Variants in DDX1 observed in about 807,000 individuals in gnomAD.
The protein encoded by DDX1 is DEAD-box helicase 1.
In DDX1, 28 loss-of-function variants were observed where a neutral mutation model predicts 108.7. The observed-to-expected ratio is 0.26, with a 90% CI of 0.19 to 0.35. The LOEUF (loss-of-function observed/expected upper bound fraction) is 0.35. Ranked by LOEUF, DDX1 falls within the 10% of genes least tolerant of loss-of-function variation. The pLI, the probability that DDX1 is intolerant of heterozygous loss-of-function variation, is 1.00. For missense variants in DDX1, 710 were observed against 884.5 expected (o/e 0.80, Z 2.50); for synonymous variants, 295 against 288.9 (o/e 1.02, Z -0.21).
chr2:15,624,434 AAG>A (rs1268710541), intron 19 of DDX1, among the ~76,000 whole-genome samples: 1 of 152,194 alleles, frequency 6.6e-6, no homozygotes, highest in African/African-American at 2.4e-5. Context: ...TTATAAAGGA[AAG>A]AGGTTTAATT....
At chr2:15,604,810 G>T (rs1278457111) in intron 10 of DDX1, among the ~76,000 whole-genome samples, 6 of 152,196 alleles carry the variant, frequency 3.9e-5, no homozygotes, top group Admixed American at 6.5e-5. Context: ...GAAGTGGAGA[G>T]TCATAGCGGT....
chr2:15,608,001 C>G (rs1362953016), intron 13 of DDX1, among the ~76,000 whole-genome samples: 1 of 152,028 alleles, frequency 6.6e-6, no homozygotes, highest in Non-Finnish European at 1.5e-5. Flanking sequence ...TGGCTTTCTT[C>G]CATTTGGACA....
At chr2:15,592,921 G>A (rs1025963692) in intron 1 of DDX1, among the ~76,000 whole-genome samples, 1 of 129,834 alleles carries the variant, frequency 7.7e-6, no homozygotes, top group Non-Finnish European at 1.6e-5. Flanking sequence ...TTTTTGGGGG[G>A]GAGAATGGGG....
At chr2:15,604,593 T>A in intron 10 of DDX1, 84 bp downstream of exon 10, 1 of 891,354 alleles carries the variant, frequency 1.1e-6, no homozygotes, top group Non-Finnish European at 1.9e-6. Flanking sequence ...ACCCTGTTTT[T>A]CAAATCCCCG....
At chr2:15,625,951 G>C (rs932633781) in intron 19 of DDX1, among the ~76,000 whole-genome samples, 2 of 151,626 alleles carry the variant, frequency 1.3e-5, no homozygotes, top group African/African-American at 4.8e-5. Context: ...TGACTGTTTT[G>C]TAGTACTTAA....
chr2:15,594,806 G>A (rs1378594533), intron 1 of DDX1, among the ~76,000 whole-genome samples: 3 of 152,158 alleles, frequency 2.0e-5, no homozygotes, highest in African/African-American at 7.2e-5. Context: ...CACTGTAGTG[G>A]CTACAGTTTA....
At chr2:15,611,666 C>G (rs867783921) in intron 13 of DDX1, among the ~76,000 whole-genome samples, 2 of 103,182 alleles carry the variant, frequency 1.9e-5, no homozygotes, top group Admixed American at 8.9e-5. Context: ...ACCTCCCGGA[C>G]GGGGCGGCTG....
At chr2:15,612,768 G>A (rs1377768107) in intron 13 of DDX1, among the ~76,000 whole-genome samples, 2 of 152,256 alleles carry the variant, frequency 1.3e-5, no homozygotes, top group African/African-American at 4.8e-5. Context: ...ACCTCGGGAG[G>A]CCGAGGCTGG....
chr2:15,630,554 G>A (rs1487093675), intron 25 of DDX1, among the ~76,000 whole-genome samples: 2 of 152,148 alleles, frequency 1.3e-5, no homozygotes, highest in Non-Finnish European at 2.9e-5. Flanking sequence ...GCCAAGGGTG[G>A]GTAGAGGTGT....
At chr2:15,617,700 C>G (rs1665923777) in intron 15 of DDX1, among the ~76,000 whole-genome samples, 1 of 152,232 alleles carries the variant, frequency 6.6e-6, no homozygotes, top group East Asian at 1.9e-4. Context: ...AAATAACCAG[C>G]TTTGTTTGTA....
rs762841049 is a variant in DDX1 at position 15,607,175 on chromosome 2, G to T, written c.818G>T (p.Gly273Val). 7 of 1,613,660 alleles carry T rather than the reference G, an allele frequency of 4.3e-6. No individual in the cohort carries two copies. Among genetic ancestry groups the T allele is most frequent in the African/African-American group, 1.3e-5 (1 of 74,878 alleles). ...GTTCTCATCTTTTTTATTCCCTAAG[G>T]TAATGCACAGGTGACACAAACAAAG... ...DGYIVKSQHS[G>V]NAQVTQTKFL... Residue 273 changes from glycine (G) to valine (V), a missense_variant and splice_region_variant, in exon 13 of 26, where the codon GGT becomes GTT. Gly to Val is a moderately radical substitution (Grantham distance 109, BLOSUM62 -3). This residue lies in a region of DDX1 where 661 missense variants were observed against 810.2 expected (regional missense o/e 0.82). Transcript: ENST00000233084.
At position 15,620,320 on chromosome 2, in the gene DDX1, C is replaced by G. The variant is rs770285687; in HGVS notation, c.1319C>G (p.Thr440Ser). Residue 440 changes from threonine to serine, a missense_variant, in exon 17 of 26, where the codon ACT becomes AGT. By Grantham distance (58) the Thr-to-Ser change is moderately conservative (BLOSUM62 1). Coordinates refer to ENST00000233084, the MANE Select transcript of DDX1 (RefSeq NM_004939.3). Reference sequence around the variant, plus strand: ...AAAGGAGAAGACTCTGTTCCAGATACTGTACACCATGTTGTTGTCCCAGTA... The same window carrying G: ...AAAGGAGAAGACTCTGTTCCAGATAGTGTACACCATGTTGTTGTCCCAGTA... ...DLKGEDSVPD[T>S]VHHVVVPVNP... The G allele has an allele frequency of 6.2e-7, 1 of 1,614,006 alleles. No individual in the cohort carries two copies. Among genetic ancestry groups the G allele is most frequent in the Non-Finnish European group, 8.5e-7 (1 of 1,179,902 alleles).
intron 14 of DDX1, among the ~76,000 whole-genome samples, chr2:15,614,883 C>T (rs1665868123): frequency 6.6e-6 from 1 of 152,148 alleles, no homozygotes; most frequent in Admixed American, 6.5e-5. Context: ...ACCCATTTTT[C>T]CCATAAGATA....
In DDX1 at chr2:15,605,944, T is replaced by C; in HGVS notation, c.626-6T>C. ...TTTAATCTCTCTCTCTCTCTTGTTTTTTAAGGAAAAGATCTTGGTCTGGCA... is the reference window on the plus strand; with the variant it reads ...TTTAATCTCTCTCTCTCTCTTGTTTCTTAAGGAAAAGATCTTGGTCTGGCA... On this transcript the variant is annotated splice_region_variant and splice_polypyrimidine_tract_variant and intron_variant, in intron 10 of 25. Coordinates refer to ENST00000233084, the MANE Select transcript of DDX1 (RefSeq NM_004939.3). 1 of 1,548,438 alleles carries C rather than the reference T, an allele frequency of 6.5e-7. No individual in the cohort carries two copies. Among genetic ancestry groups the C allele is most frequent in the Non-Finnish European group, 8.7e-7 (1 of 1,151,856 alleles).
chr2:15,610,566 T>G (rs1030329097), intron 13 of DDX1, among the ~76,000 whole-genome samples: 2 of 152,250 alleles, frequency 1.3e-5, no homozygotes, highest in African/African-American at 4.8e-5. Flanking sequence ...AAAGTGAGTC[T>G]TCTTTCACTC....
At chr2:15,621,144 A>C (rs746457196) in intron 18 of DDX1, 28 bp downstream of exon 18, 8 of 1,543,188 alleles carry the variant, frequency 5.2e-6, no homozygotes, top group Non-Finnish European at 6.3e-6. Context: ...AATGTGTTGA[A>C]AGATTTTGAA....
chr2:15,597,748 A>G (rs1665524680), intron 5 of DDX1, among the ~76,000 whole-genome samples: 2 of 152,166 alleles, frequency 1.3e-5, no homozygotes, highest in Admixed American at 6.5e-5. Context: ...TCTTAACCTT[A>G]TAACTTTCTA....
intron 13 of DDX1, among the ~76,000 whole-genome samples, chr2:15,612,437 C>G (rs1369248887): frequency 1.3e-5 from 2 of 151,654 alleles, no homozygotes; most frequent in African/African-American, 4.8e-5. Flanking sequence ...CTCCTCACTT[C>G]CTAGATGGGA....
chr2:15,605,992 A>G lies in DDX1; in HGVS notation c.668A>G (p.Lys223Arg). The G allele has an allele frequency of 1.3e-6, 2 of 1,585,944 alleles. No individual in the cohort carries two copies. The highest frequency in any genetic ancestry group is 8.5e-7 in the Non-Finnish European group (1 of 1,170,846). The change falls in exon 11 of 26, where the codon AAA (lysine) becomes AGA (arginine). Residue 223 changes from lysine (K) to arginine (R), a missense_variant. Physicochemically the swap from Lys to Arg is conservative, Grantham distance 26. Coordinates refer to ENST00000233084, the MANE Select transcript of DDX1 (RefSeq NM_004939.3). ...GCATTTGAAATACCACCACATATGA[A>G]AAACCAAGCCCTCTTTCCTGCCTGT... ...GLAFEIPPHMKNQALFPACVL... is the reference protein window; with the variant it reads ...GLAFEIPPHMRNQALFPACVL...
Sources: allele counts gnomAD v4.1 joint callset (sites outside exome capture counted in the v4.1 genomes callset), GRCh38; gene constraint gnomAD v4.1.1; regional missense constraint gnomAD v4.1.1; transcripts MANE v1.5; gene names NCBI Gene and HGNC (gene_info 2026-07-23, HGNC 2026-07-21).